Variants in CPSF4L observed in about 807,000 individuals in gnomAD.
CPSF4L encodes the protein cleavage and polyadenylation specific factor 4 like, also known as putative cleavage and polyadenylation specificity factor subunit 4-like protein.
In CPSF4L, 18 loss-of-function variants were observed where a neutral mutation model predicts 24.0. That is an observed-to-expected ratio of 0.75 (90% confidence interval 0.52 to 1.11). The LOEUF (loss-of-function observed/expected upper bound fraction) is 1.11, where lower values mean the gene tolerates loss of function less well. Among genes scored for constraint, CPSF4L ranks in the 50% least tolerant of loss-of-function variants. The pLI is 0.00. For missense variants in CPSF4L, 211 were observed against 221.8 expected (o/e 0.95, Z 0.31); for synonymous variants, 72 against 77.2 (o/e 0.93, Z 0.35).
intron 2 of CPSF4L, among the ~76,000 whole-genome samples, chr17:73,259,091 A>G (rs554422374): frequency 1.3e-5 from 2 of 150,708 alleles, no homozygotes; most frequent in Non-Finnish European, 3.0e-5. Flanking sequence ...CCCAGGCTGG[A>G]GTGCAATGGC....
At chr17:73,250,179 A>C in intron 5 of CPSF4L, 1 of 1,494,086 alleles carries the variant, frequency 6.7e-7, no homozygotes, top group African/African-American at 1.4e-5. Context: ...CTTACTGTGG[A>C]ACTTGGGAAA....
intron 2 of CPSF4L, among the ~76,000 whole-genome samples, chr17:73,259,522 A>G (rs2062037165): frequency 6.6e-6 from 1 of 152,112 alleles, no homozygotes. Flanking sequence ...ACCCCTGGCT[A>G]TTGACTTGCT....
intron 3 of CPSF4L, among the ~76,000 whole-genome samples, chr17:73,255,873 C>T (rs1317883662): frequency 6.6e-6 from 1 of 152,186 alleles, no homozygotes; most frequent in East Asian, 1.9e-4. Context: ...GTGGCAGCAG[C>T]ACCTCAGCCT....
At chr17:73,245,047 G>T (rs1251347339), downstream of CPSF4L, 1 of 887,064 alleles carries the variant, frequency 1.1e-6, no homozygotes, top group Non-Finnish European at 1.8e-6. Flanking sequence ...TTCTCATTGT[G>T]CTTAATACTC....
At chr17:73,254,705 G>T (rs190520057) in intron 3 of CPSF4L, among the ~76,000 whole-genome samples, 2 of 152,132 alleles carry the variant, frequency 1.3e-5, no homozygotes, top group Admixed American at 6.5e-5. Context: ...GTGCAATGGC[G>T]CAATCTTAGC....
At chr17:73,260,797 C>G (rs2062042080) in intron 2 of CPSF4L, 136 bp downstream of exon 2, 1 of 550,096 alleles carries the variant, frequency 1.8e-6, no homozygotes, top group Middle Eastern at 2.8e-4. Context: ...AAATAAAATT[C>G]CGTTCCATCC....
At chr17:73,242,866 TAAC>T in the CPSF4L span, 10 of 1,584,356 alleles carry the variant, frequency 6.3e-6, no homozygotes, top group Middle Eastern at 1.9e-4. Context: ...TCAGTTGCTG[TAAC>T]AACAAGCCGT....
At chr17:73,245,076 A>G, downstream of CPSF4L, 2 of 1,241,212 alleles carry the variant, frequency 1.6e-6, no homozygotes, top group Non-Finnish European at 1.2e-6. Flanking sequence ...AACTTATAAA[A>G]CAAAAAGAGA....
downstream of CPSF4L, chr17:73,245,357 A>C (rs1229465738): frequency 2.9e-6 from 4 of 1,364,456 alleles, no homozygotes; most frequent in African/African-American, 5.9e-5. Context: ...TGATACAGGA[A>C]GTAAACGTAT....
rs370524848 is a variant in CPSF4L at position 73,253,931 on chromosome 17, C to T, written c.403G>A (p.Gly135Ser). The T allele has an allele frequency of 1.7e-5, 27 of 1,548,906 alleles. No individual in the cohort carries two copies. The highest frequency in any genetic ancestry group is 2.2e-5 in the Non-Finnish European group (25 of 1,144,736). Residue 135 changes from glycine (G) to serine (S), a missense_variant and splice_region_variant, in exon 4 of 6, where the codon GGT becomes AGT. Gly to Ser is a moderately conservative substitution (Grantham distance 56). Transcript: ENST00000344935. ...GGCTCCCTGGCTTCCAAGGCCTCAC[C>T]GTCCTTGCAGAAACCTTGGTCATAC... Reference protein sequence around the residue: ...PWYDQGFCKDGPLCKYRHVPR... With the variant: ...PWYDQGFCKDSPLCKYRHVPR...
downstream of CPSF4L, chr17:73,247,166 C>T (rs1466403511): frequency 7.4e-7 from 1 of 1,345,798 alleles, no homozygotes; most frequent in Admixed American, 1.7e-5. Flanking sequence ...CACACAACAA[C>T]AGCAAAGTCG....
chr17:73,245,745 G>C (rs1400633450), downstream of CPSF4L: 1 of 983,540 alleles, frequency 1.0e-6, no homozygotes, highest in East Asian at 1.1e-4. Flanking sequence ...CCGAAAAAAA[G>C]CTTACAAATA....
At chr17:73,260,336 C>T (rs1348321331) in intron 2 of CPSF4L, among the ~76,000 whole-genome samples, 4 of 152,158 alleles carry the variant, frequency 2.6e-5, no homozygotes, top group African/African-American at 9.7e-5. Context: ...AAAAAAATAC[C>T]CCTTTCCAGG....
At chr17:73,244,389 CCT>C (rs2061908098), downstream of CPSF4L, 1 of 151,792 alleles carries the variant, frequency 6.6e-6, no homozygotes, top group Non-Finnish European at 1.5e-5. Context: ...GTGGTGAAAC[CCT>C]GTCTCTACTA....
chr17:73,261,919 C>T, upstream of CPSF4L: 1 of 830,570 alleles, frequency 1.2e-6, no homozygotes, highest in Admixed American at 2.2e-5. Context: ...CCAATGCCTC[C>T]CCCTTCACCC....
intron 5 of CPSF4L, among the ~76,000 whole-genome samples, chr17:73,251,378 G>A (rs2062005502): frequency 6.6e-6 from 1 of 152,036 alleles, no homozygotes; most frequent in African/African-American, 2.4e-5. Context: ...CTTCCTCCCA[G>A]GCCATCACCC....
In CPSF4L at chr17:73,261,747, G is replaced by A. The variant is rs932574236; in HGVS notation, c.72C>T (p.Gly24=). Reference sequence around the variant, plus strand: ...TGCCCTGGAAAGGCAGGAGCCCAGTGCCCTTCTGCATCTCGACATCCTTCT... The same window carrying A: ...TGCCCTGGAAAGGCAGGAGCCCAGTACCCTTCTGCATCTCGACATCCTTCT... ...AFEKDVEMQK[G]TGLLPFQGMD... The change falls in exon 1 of 6, where the codon GGC becomes GGT. Residue 24 remains glycine, a synonymous_variant. Coordinates refer to ENST00000344935, the MANE Select transcript of CPSF4L (RefSeq NM_001129885.1). 5.2e-6 allele frequency: 8 copies of A among 1,551,512 alleles called. No individual in the cohort carries two copies. The African/African-American group carries it at 1.1e-4, about 21-fold the overall frequency.
intron 3 of CPSF4L, among the ~76,000 whole-genome samples, chr17:73,255,884 TC>T (rs772503088): frequency 6.6e-6 from 1 of 152,122 alleles, no homozygotes; most frequent in Non-Finnish European, 1.5e-5. Context: ...ACCTCAGCCT[TC>T]AATCCGCCTT....
At chr17:73,247,124 C>T, downstream of CPSF4L, 1 of 847,328 alleles carries the variant, frequency 1.2e-6, no homozygotes, top group Non-Finnish European at 1.9e-6. Context: ...ACAAGCCCTG[C>T]TCATTTGGTT....
Sources: gnomAD v4.1 joint callset for allele counts (sites outside exome capture counted in the v4.1 genomes callset) on GRCh38, gnomAD v4.1.1 for gene constraint, MANE v1.5 for transcripts, NCBI Gene and HGNC (gene_info 2026-07-23, HGNC 2026-07-21) for gene names.